Variants in ANK3 observed in about 807,000 individuals in gnomAD.
ANK3 encodes ankyrin 3.
In ANK3, 57 loss-of-function variants were observed where a neutral mutation model predicts 370.9. The observed-to-expected ratio is 0.15, with a 90% confidence interval of 0.12 to 0.19. The LOEUF is 0.19. Ranked by LOEUF, ANK3 falls within the 10% of genes least tolerant of loss-of-function variation. The pLI, the probability that ANK3 is intolerant of heterozygous loss-of-function variation, is 1.00. For missense variants in ANK3, 4,439 were observed against 5,302.1 expected, an observed-to-expected ratio of 0.84 and a Z score of 5.06; for synonymous variants, 1,929 against 1,946.3, an observed-to-expected ratio of 0.99 and a Z score of 0.23.
At chr10:60,443,137 T>C (rs1007181721) in intron 2 of ANK3, among the ~76,000 whole-genome samples, 3 of 152,244 alleles carry the variant, frequency 2.0e-5, no homozygotes, top group African/African-American at 7.2e-5. Flanking sequence ...CTGAGTTGAC[T>C]GTTAATTGAA....
rs536020200 is a variant in ANK3, at chr10:60,055,770, G to C, written c.12953C>G (p.Thr4318Ser). Residue 4318 changes from threonine to serine, a missense_variant, in exon 42 of 44, where the codon ACT becomes AGT. Thr to Ser is a moderately conservative substitution (Grantham distance 58). Coordinates refer to ENST00000280772, the MANE Select transcript of ANK3 (RefSeq NM_020987.5). ...CATACTGACAGGCACACAGGGTTTA[G>C]TCTCTTCTATTATAAGCTTGCTGGT... ...EETSKLIIEE[T>S]KPCVPVSMKK... 1 of 1,614,090 alleles carries C rather than the reference G, an allele frequency of 6.2e-7. No homozygotes were observed. The highest frequency in any genetic ancestry group is 1.3e-5 in the African/African-American group (1 of 74,930).
intron 1 of ANK3, among the ~76,000 whole-genome samples, chr10:60,309,461 T>G (rs980791273): frequency 6.6e-6 from 1 of 152,184 alleles, no homozygotes; most frequent in South Asian, 2.1e-4. Context: ...TCATGCATAA[T>G]AAGGGCTTGG....
intron 1 of ANK3, among the ~76,000 whole-genome samples, chr10:60,719,724 G>A (rs1228945111): frequency 1.3e-5 from 2 of 152,056 alleles, no homozygotes; most frequent in African/African-American, 4.8e-5. Flanking sequence ...GCATAATAGA[G>A]ATATAATATC....
intron 2 of ANK3, among the ~76,000 whole-genome samples, chr10:60,395,108 G>T (rs1460440952): frequency 3.9e-5 from 6 of 152,014 alleles, no homozygotes; most frequent in Non-Finnish European, 7.4e-5. Flanking sequence ...AAGTGTGTTT[G>T]GAACAATTTG....
intron 2 of ANK3, among the ~76,000 whole-genome samples, chr10:60,464,883 A>G (rs912551933): frequency 3.3e-5 from 5 of 152,200 alleles, no homozygotes; most frequent in Non-Finnish European, 4.4e-5. Context: ...TTATCTAGAA[A>G]TCAATGAGCC....
At chr10:60,321,399 G>GAAGAAAAGAA (rs71015788) in intron 1 of ANK3, among the ~76,000 whole-genome samples, 321 of 145,554 alleles carry the variant, frequency 2.2e-3, no homozygotes, top group East Asian at 3.8e-3. Flanking sequence ...AAAGAGAAGA[G>GAAGAAAAGAA]AAGAAAAGAA....
intron 16 of ANK3, among the ~76,000 whole-genome samples, chr10:60,192,441 A>G (rs984400652): frequency 1.1e-4 from 16 of 150,984 alleles, no homozygotes; most frequent in Non-Finnish European, 1.8e-4. Context: ...ATTATAATAT[A>G]TACAATTTAT....
chr10:60,370,213 G>A (rs1201755045), intron 1 of ANK3, among the ~76,000 whole-genome samples: 2 of 152,028 alleles, frequency 1.3e-5, no homozygotes, highest in African/African-American at 2.4e-5. Flanking sequence ...AAGTGTAATC[G>A]TGCCTATTTT....
chr10:60,711,159 G>A (rs1050428901), intron 1 of ANK3, among the ~76,000 whole-genome samples: 2 of 152,064 alleles, frequency 1.3e-5, no homozygotes, highest in Non-Finnish European at 1.5e-5. Context: ...AAAAATAGAT[G>A]GGTAATGTAA....
intron 2 of ANK3, among the ~76,000 whole-genome samples, chr10:60,413,138 G>A (rs2063593253): frequency 6.6e-6 from 1 of 152,190 alleles, no homozygotes; most frequent in South Asian, 2.1e-4. Flanking sequence ...GAGAATTGTA[G>A]CAATTCTAGC....
intron 1 of ANK3, among the ~76,000 whole-genome samples, chr10:60,338,972 G>C (rs1472374340): frequency 6.6e-6 from 1 of 152,038 alleles, no homozygotes; most frequent in Non-Finnish European, 1.5e-5. Context: ...TGAAGTCTTG[G>C]GGAGAGCTTC....
rs528104814 is a variant in ANK3, at chr10:60,728,970, T to C, written c.57+4293A>G. Among the ~76,000 whole-genome samples, 5 of 152,342 alleles carry C rather than the reference T, an allele frequency of 3.3e-5. No individual in the cohort carries two copies. The South Asian group carries it at 1.0e-3, about 32-fold the overall frequency. On this transcript the variant is annotated intron_variant, in intron 1 of 43. Coordinates refer to the ANK3 transcript ENST00000373827. Reference sequence around the variant, plus strand: ...TTATTATTACTAGACAATGCAGTTGTATTTTCAAGATGCATATGTCTTCTC... The same window carrying C: ...TTATTATTACTAGACAATGCAGTTGCATTTTCAAGATGCATATGTCTTCTC...
chr10:60,331,438 G>A (rs1246674919), intron 1 of ANK3, among the ~76,000 whole-genome samples: 1 of 151,912 alleles, frequency 6.6e-6, no homozygotes, highest in East Asian at 1.9e-4. Flanking sequence ...ATGAAACAGT[G>A]TTTTTCTCTG....
In ANK3 at chr10:60,377,757, T is replaced by C. The variant is rs2060992416; in HGVS notation, c.114+11668A>G. 2.0e-5 allele frequency among the ~76,000 whole-genome samples: 3 copies of C among 152,216 alleles called. No homozygotes were observed. The South Asian group carries it at 6.2e-4, about 32-fold the overall frequency. The stretch of plus-strand genomic sequence containing the variant: ...AGGGTGCCTTAGAGTCTGATAGCCA[T>C]GGCTTCAAGTTCAGCCTCTGAATTT... On this transcript the variant is annotated intron_variant, in intron 1 of 43. Transcript: ENST00000280772.
intron 1 of ANK3, among the ~76,000 whole-genome samples, chr10:60,634,582 G>C (rs1342725162): frequency 6.6e-6 from 1 of 152,048 alleles, no homozygotes. Context: ...ATGTGTGTGG[G>C]GCCAAATAAG....
At chr10:60,404,576 G>GA (rs776944120) in intron 2 of ANK3, among the ~76,000 whole-genome samples, 5 of 151,990 alleles carry the variant, frequency 3.3e-5, no homozygotes, top group Non-Finnish European at 5.9e-5. Flanking sequence ...AGTAATCCAA[G>GA]AAAAATCATA....
chr10:60,262,875 C>A (rs528368873), intron 6 of ANK3, among the ~76,000 whole-genome samples: 3 of 152,248 alleles, frequency 2.0e-5, no homozygotes, highest in Admixed American at 2.0e-4. Context: ...TATTGCAATA[C>A]CCTTAAGAGT....
At chr10:60,191,534 T>C (rs988868045) in intron 16 of ANK3, among the ~76,000 whole-genome samples, 2 of 152,126 alleles carry the variant, frequency 1.3e-5, no homozygotes, top group Non-Finnish European at 2.9e-5. Context: ...TTAGATACCA[T>C]CTCACACCAA....
chr10:60,557,817 G>T (rs959252670), intron 2 of ANK3, among the ~76,000 whole-genome samples: 1 of 152,068 alleles, frequency 6.6e-6, no homozygotes, highest in South Asian at 2.1e-4. Flanking sequence ...TAAACGGGGT[G>T]TTCTTTTAAA....
Sources: gnomAD v4.1 joint callset for allele counts (sites outside exome capture counted in the v4.1 genomes callset) on GRCh38, gnomAD v4.1.1 for gene constraint, MANE v1.5 for transcripts, NCBI Gene and HGNC (gene_info 2026-07-23, HGNC 2026-07-21) for gene names.